Variants in TNIP1 observed in about 807,000 individuals in gnomAD.
TNIP1 encodes the protein TNFAIP3 interacting protein 1, also known as TNFAIP3-interacting protein 1.
Under a neutral mutation model 86.6 loss-of-function variants are expected in TNIP1, and 22 were observed. That is an observed-to-expected ratio of 0.25 (90% CI 0.18 to 0.36). The LOEUF (loss-of-function observed/expected upper bound fraction) is 0.36, where lower values mean the gene tolerates loss of function less well. Ranked by LOEUF, TNIP1 falls within the 10% of genes least tolerant of loss-of-function variation. TNIP1 has a pLI of 1.00. For synonymous variants in TNIP1, 294 were observed against 313.0 expected (o/e 0.94, Z 0.64); for missense variants, 709 against 820.6 (o/e 0.86, Z 1.66).
chr5:151,082,020 A>G (rs1180543341), upstream of TNIP1, among the ~76,000 whole-genome samples: 3 of 152,240 alleles, frequency 2.0e-5, no homozygotes, highest in Non-Finnish European at 4.4e-5. Context: ...CAAAAGACCC[A>G]TTTCACTGGT....
chr5:151,063,647 G>A lies in TNIP1; in HGVS notation c.237C>T (p.Ser79=), dbSNP rs780709647. The A allele has an allele frequency of 9.3e-6, 15 of 1,614,010 alleles. No homozygotes were observed. Among genetic ancestry groups the A allele is most frequent in the Admixed American group, 3.3e-5 (2 of 59,996 alleles). ...DNELLPPPSP[S]LGSFDPLAEL... ...CAGCCAGGGGGTCGAAGGAGCCCAA[G>A]GAGGGAGAAGGTGGTGGGAGCAGCT... The change falls in exon 3 of 18, where the codon TCC becomes TCT. Residue 79 remains serine, a synonymous_variant. Transcript: ENST00000521591.
intron 3 of TNIP1, 25 bp downstream of exon 3, chr5:151,063,588 A>G: frequency 6.2e-7 from 1 of 1,611,154 alleles, no homozygotes; most frequent in African/African-American, 1.3e-5. Flanking sequence ...AGGGAGAGTC[A>G]GAGGTACCCA....
intron 8 of TNIP1, among the ~76,000 whole-genome samples, chr5:151,047,123 G>C (rs1759276901): frequency 6.6e-6 from 1 of 152,180 alleles, no homozygotes; most frequent in South Asian, 2.1e-4. Flanking sequence ...GCAGAAACTT[G>C]AAAGACAGCA....
chr5:151,045,909 C>G lies in TNIP1; in HGVS notation c.888G>C (p.Leu296Phe). ...TAGKVPEVVALGAAEKKVKML... is the reference protein window; with the variant it reads ...TAGKVPEVVAFGAAEKKVKML... ...TCTTCACCTTCTTCTCGGCTGCGCCCAAGGCCACCACCTCTGGGACCTTAC... is the reference window on the plus strand; with the variant it reads ...TCTTCACCTTCTTCTCGGCTGCGCCGAAGGCCACCACCTCTGGGACCTTAC... Residue 296 changes from leucine (L) to phenylalanine (F), a missense_variant, in exon 9 of 18, where the codon TTG becomes TTC. Coordinates refer to ENST00000521591, the MANE Select transcript of TNIP1 (RefSeq NM_006058.5). 1.2e-6 allele frequency: 2 copies of G among 1,614,166 alleles called. No homozygotes were observed. Among genetic ancestry groups the G allele is most frequent in the African/African-American group, 1.3e-5 (1 of 75,046 alleles).
intron 17 of TNIP1, among the ~76,000 whole-genome samples, 186 bp from the exon 18 acceptor site, chr5:151,030,933 A>T (rs1160033358): frequency 6.6e-6 from 1 of 152,200 alleles, no homozygotes; most frequent in Non-Finnish European, 1.5e-5. Flanking sequence ...TGAAGAAGGC[A>T]GGTTATTATC....
At chr5:151,051,325 G>A (rs1759902151) in intron 7 of TNIP1, among the ~76,000 whole-genome samples, 1 of 152,124 alleles carries the variant, frequency 6.6e-6, no homozygotes, top group African/African-American at 2.4e-5. Context: ...AGAGTGGCAA[G>A]TCCTGTCTGT....
chr5:151,064,938 G>T, intron 2 of TNIP1, 22 bp downstream of exon 2: 3 of 1,613,830 alleles, frequency 1.9e-6, no homozygotes, highest in South Asian at 1.1e-5. Context: ...CGCTCGCAGG[G>T]AGGGGACAGG....
chr5:151,063,620 C>G lies in TNIP1; in HGVS notation c.264G>C (p.Glu88Asp). 1 of 1,614,042 alleles carries G rather than the reference C, an allele frequency of 6.2e-7. No homozygotes were observed. Among genetic ancestry groups the G allele is most frequent in the Non-Finnish European group, 8.5e-7 (1 of 1,179,952 alleles). Residue 88 changes from glutamate to aspartate, a missense_variant, in exon 3 of 18, where the codon GAG (glutamate) becomes GAC (aspartate). By Grantham distance (45) the Glu-to-Asp change is conservative. Coordinates refer to ENST00000521591, the MANE Select transcript of TNIP1 (RefSeq NM_006058.5). ...PSLGSFDPLA[E>D]LTGKDSNVTA... ...CCCAGACTCCTCTTATACCTGTGAG[C>G]TCAGCCAGGGGGTCGAAGGAGCCCA... is the stretch of plus-strand genomic sequence containing the variant.
chr5:151,063,212 C>T (rs1168079881), intron 3 of TNIP1, among the ~76,000 whole-genome samples: 1 of 152,190 alleles, frequency 6.6e-6, no homozygotes, highest in Non-Finnish European at 1.5e-5. Context: ...AGGGCACGAC[C>T]AGGGAGCTTC....
At chr5:151,065,222 G>T in intron 1 of TNIP1, 91 bp from the exon 2 acceptor site, 1 of 1,136,894 alleles carries the variant, frequency 8.8e-7, no homozygotes, top group Non-Finnish European at 1.2e-6. Context: ...GCCCCAGAAG[G>T]CAGTCCCCCA....
chr5:151,074,536 C>T (rs1164782305), intron 1 of TNIP1, among the ~76,000 whole-genome samples: 1 of 151,982 alleles, frequency 6.6e-6, no homozygotes, highest in Non-Finnish European at 1.5e-5. Context: ...CAAGTAGGAA[C>T]CATAGAGTTC....
chr5:151,035,161 G>A, intron 14 of TNIP1, 94 bp from the exon 15 acceptor site: 1 of 1,390,398 alleles, frequency 7.2e-7, no homozygotes, highest in East Asian at 2.4e-5. Context: ...GGACTGACCG[G>A]CTGATGCTTC....
intron 1 of TNIP1, chr5:151,080,267 G>A (rs1303885545): frequency 1.3e-5 from 2 of 152,192 alleles, no homozygotes; most frequent in South Asian, 2.1e-4. Context: ...AACAGAAATA[G>A]TATAGTAGGA....
At chr5:151,038,122 C>T (rs1025965098) in intron 12 of TNIP1, among the ~76,000 whole-genome samples, 3 of 152,158 alleles carry the variant, frequency 2.0e-5, no homozygotes, top group Admixed American at 1.3e-4. Flanking sequence ...CAGGACAGAT[C>T]GCGTTTCTTT....
intron 1 of TNIP1, among the ~76,000 whole-genome samples, chr5:151,086,038 C>G (rs917398708): frequency 6.6e-6 from 1 of 152,156 alleles, no homozygotes; most frequent in African/African-American, 2.4e-5. Flanking sequence ...CCAGGGACTT[C>G]CCTAGGCTGT....
chr5:151,043,569 G>A (rs1758735746), intron 9 of TNIP1, among the ~76,000 whole-genome samples: 1 of 152,284 alleles, frequency 6.6e-6, no homozygotes, highest in Non-Finnish European at 1.5e-5. Flanking sequence ...GAGTTCAGGA[G>A]TTTGAGACCA....
upstream of TNIP1, among the ~76,000 whole-genome samples, chr5:151,084,925 TC>T (rs2113868712): frequency 1.3e-5 from 2 of 152,346 alleles, no homozygotes; most frequent in African/African-American, 4.8e-5. Context: ...CTAAAATTGT[TC>T]TAGGCAATTG....
rs183299143 is a variant in TNIP1, at chr5:151,076,636, C to T, written c.-37+4244G>A. ...GTGGCCACTGTGCACTCTCTTACCA[C>T]ACCATGCTACTGCTCAACCTCTCCC... On this transcript the variant is annotated intron_variant, in intron 1 of 17. Coordinates refer to ENST00000521591, the MANE Select transcript of TNIP1 (RefSeq NM_006058.5). Among the ~76,000 whole-genome samples the T allele has an allele frequency of 4.5e-3, 678 of 152,336 alleles. 9 individuals carry two copies. The highest frequency in any genetic ancestry group is 0.016 in the African/African-American group (649 of 41,556).
At chr5:151,033,377 G>A (rs1018808681) in intron 16 of TNIP1, 8 of 395,572 alleles carry the variant, frequency 2.0e-5, no homozygotes, top group South Asian at 1.1e-4. Flanking sequence ...AGCCTTCTCC[G>A]TCCTAGACCA....
Sources: gnomAD v4.1 joint callset for allele counts (sites outside exome capture counted in the v4.1 genomes callset) on GRCh38, gnomAD v4.1.1 for gene constraint, MANE v1.5 for transcripts, NCBI Gene and HGNC (gene_info 2026-07-23, HGNC 2026-07-21) for gene names.